The following ADGRE2 variants were observed in gnomAD, a reference collection of about 807,000 sequenced individuals.
ADGRE2 encodes adhesion G protein-coupled receptor E2, also known as CD97 antigen.
A neutral mutation model predicts 100.8 loss-of-function variants in ADGRE2; 83 were observed. The observed-to-expected ratio is 0.82, with a 90% confidence interval of 0.69 to 0.99. ADGRE2 has a LOEUF of 0.99. Among genes scored for constraint, ADGRE2 ranks in the 50% least tolerant of loss-of-function variants. ADGRE2 has a pLI of 0.00. For missense variants in ADGRE2, 814 were observed against 1,035.7 expected, an observed-to-expected ratio of 0.79 and a Z score of 2.94; for synonymous variants, 355 against 413.0, an observed-to-expected ratio of 0.86 and a Z score of 1.70.
At chr19:14,761,294 T>A (rs892774388) in intron 11 of ADGRE2, among the ~76,000 whole-genome samples, 4 of 152,022 alleles carry the variant, frequency 2.6e-5, no homozygotes, top group African/African-American at 9.7e-5. Context: ...TAGTCCCAGC[T>A]ACTTGGGAGG....
chr19:14,768,310 C>T (rs545251503), intron 5 of ADGRE2, among the ~76,000 whole-genome samples: 20 of 152,310 alleles, frequency 1.3e-4, no homozygotes, highest in East Asian at 7.7e-4. Flanking sequence ...CAGTGGGGAC[C>T]GACATACAGC....
In ADGRE2 at chr19:14,765,411, A is replaced by G; in HGVS notation, c.829-14T>C. ...TCGGGAAAGCGTCTGCAGAGAGAGG[A>G]GATGTGGGGGTCAGAGAGCCTGGAC... is the stretch of plus-strand genomic sequence containing the variant. On this transcript the variant is annotated splice_polypyrimidine_tract_variant and intron_variant, in intron 9 of 20. Coordinates refer to ENST00000315576, the MANE Select transcript of ADGRE2 (RefSeq NM_013447.4). 1.9e-6 allele frequency: 3 copies of G among 1,614,042 alleles called. No individual in the cohort carries two copies. Among genetic ancestry groups the G allele is most frequent in the Non-Finnish European group, 2.5e-6 (3 of 1,179,944 alleles).
At chr19:14,759,101 T>C (rs2043608176) in intron 11 of ADGRE2, among the ~76,000 whole-genome samples, 1 of 152,090 alleles carries the variant, frequency 6.6e-6, no homozygotes, top group Non-Finnish European at 1.5e-5. Context: ...AATCTTTTAT[T>C]ATGCAAATGG....
chr19:14,751,929 ATATTTTTTT>A (rs1398338705), intron 15 of ADGRE2, among the ~76,000 whole-genome samples: 53 of 83,752 alleles, frequency 6.3e-4, no homozygotes, highest in Admixed American at 1.1e-3. Flanking sequence ...ATATATATAT[ATATTTTTTT>A]TTTTTTTTTT....
intron 20 of ADGRE2, 68 bp from the exon 21 acceptor site, chr19:14,736,312 A>T: frequency 9.3e-7 from 1 of 1,077,868 alleles, no homozygotes; most frequent in Non-Finnish European, 1.4e-6. Context: ...CCTGGGCTGG[A>T]GTGCAATGGC....
At chr19:14,744,818 G>C (rs2043037581) in intron 18 of ADGRE2, among the ~76,000 whole-genome samples, 1 of 151,996 alleles carries the variant, frequency 6.6e-6, no homozygotes, top group Non-Finnish European at 1.5e-5. Context: ...GAAGTGATGA[G>C]GAGCCTGAAC....
downstream of ADGRE2, among the ~76,000 whole-genome samples, chr19:14,727,897 G>T (rs1352636559): frequency 1.3e-5 from 2 of 152,134 alleles, no homozygotes; most frequent in Non-Finnish European, 2.9e-5. Flanking sequence ...TCTTACCTTG[G>T]AATTCAGAGT....
At position 14,755,687 on chromosome 19, in the gene ADGRE2, G is replaced by C; in HGVS notation, c.1383C>G (p.Leu461=). The change falls in exon 13 of 21, where the codon CTC becomes CTG. Residue 461 remains leucine, a synonymous_variant. Coordinates refer to ENST00000315576, the MANE Select transcript of ADGRE2 (RefSeq NM_013447.4). ...AGAAGGTGAAGGTAACTGGGGAGCT[G>C]AGGTTTTGGGTGTCGTTGTTGCTCA... ...AFLSNNDTQN[L]SSPVTFTFSH... is the part of the protein sequence containing the mutation. 6.2e-7 allele frequency: 1 copy of C among 1,614,218 alleles called. No homozygotes were observed. Among genetic ancestry groups the C allele is most frequent in the South Asian group, 1.1e-5 (1 of 91,086 alleles).
chr19:14,755,079 G>A lies in ADGRE2; in HGVS notation c.1465C>T (p.Gln489Ter). ...KVLCVFWEHG[Q>*]NGCGHWATTG... Reference sequence around the variant, plus strand: ...GTGGCCCAGTGACCACATCCATTCTGGCCATGCTCCCAGAAGACACAGAGC... The same window carrying A: ...GTGGCCCAGTGACCACATCCATTCTAGCCATGCTCCCAGAAGACACAGAGC... Residue 489 changes from glutamine (Q) to a stop codon, truncating the protein, a stop_gained, in exon 14 of 21, where the codon CAG becomes TAG. Coordinates refer to ENST00000315576, the MANE Select transcript of ADGRE2 (RefSeq NM_013447.4). LOFTEE classifies it high-confidence loss of function. 6.2e-7 allele frequency: 1 copy of A among 1,613,972 alleles called. No homozygotes were observed. The highest frequency in any genetic ancestry group is 8.5e-7 in the Non-Finnish European group (1 of 1,180,008).
At position 14,765,020 on chromosome 19, in the gene ADGRE2, A is replaced by G. The variant is rs558631479; in HGVS notation, c.906+300T>C. Among the ~76,000 whole-genome samples, 16 of 152,314 alleles carry G rather than the reference A, an allele frequency of 1.1e-4. No homozygotes were observed. In the South Asian group the frequency reaches 3.3e-3, roughly 32 times the overall value. The stretch of plus-strand genomic sequence containing the variant: ...GACAGAGTGAGACTCCGTCTAAAAA[A>G]AAAATGACATTGGATGGGATTCCCT... On this transcript the variant is annotated intron_variant, in intron 10 of 20. Coordinates refer to ENST00000315576, the MANE Select transcript of ADGRE2 (RefSeq NM_013447.4).
In ADGRE2 at chr19:14,743,639, C is replaced by T; in HGVS notation, c.2329G>A (p.Val777Met). 1 of 1,614,078 alleles carries T rather than the reference C, an allele frequency of 6.2e-7. No individual in the cohort carries two copies. The highest frequency in any genetic ancestry group is 8.5e-7 in the Non-Finnish European group (1 of 1,180,010). Residue 777 changes from valine to methionine, a missense_variant, in exon 19 of 21, where the codon GTG (valine) becomes ATG (methionine). By Grantham distance (21) the Val-to-Met change is conservative. Transcript: ENST00000315576. ...ACCTGCTGGCTGAGGAGGCAGTACACCAGGAAGATGAAGACACCCTGCAGG... is the reference window on the plus strand; with the variant it reads ...ACCTGCTGGCTGAGGAGGCAGTACATCAGGAAGATGAAGACACCCTGCAGG... ...NSLQGVFIFL[V>M]YCLLSQQVRE...
chr19:14,773,080 C>CAAAAAAA (rs35688921), intron 4 of ADGRE2, among the ~76,000 whole-genome samples: 57 of 45,706 alleles, frequency 1.2e-3, no homozygotes, highest in African/African-American at 1.6e-3. Flanking sequence ...GACTCCATCT[C>CAAAAAAA]AAAAAAAAAA....
intron 20 of ADGRE2, among the ~76,000 whole-genome samples, chr19:14,740,439 T>C (rs2042893443): frequency 6.6e-6 from 1 of 151,780 alleles, no homozygotes; most frequent in African/African-American, 2.4e-5. Context: ...CTGACCAACA[T>C]GGAGAAATCC....
intron 20 of ADGRE2, among the ~76,000 whole-genome samples, chr19:14,738,382 C>CT (rs1034741974): frequency 2.0e-4 from 30 of 151,968 alleles, no homozygotes; most frequent in East Asian, 1.9e-4. Context: ...CACTGAATTC[C>CT]TTTTTTTTCC....
chr19:14,739,092 C>A (rs2042847961), intron 20 of ADGRE2, among the ~76,000 whole-genome samples: 1 of 151,402 alleles, frequency 6.6e-6, no homozygotes, highest in South Asian at 2.1e-4. Context: ...GCCTCAGCCT[C>A]CCAAGTAGCT....
intron 20 of ADGRE2, among the ~76,000 whole-genome samples, chr19:14,742,926 ATTT>A (rs561466290): frequency 7.5e-5 from 11 of 145,786 alleles, no homozygotes; most frequent in African/African-American, 2.7e-4. Context: ...AGAGCCAAGG[ATTT>A]TTTTTTTTTT....
At chr19:14,773,696 G>A (rs1398143479) in intron 4 of ADGRE2, among the ~76,000 whole-genome samples, 1 of 151,628 alleles carries the variant, frequency 6.6e-6, no homozygotes. Flanking sequence ...ATTTTTTGTA[G>A]AGACAGGGTC....
intron 18 of ADGRE2, 46 bp from the exon 19 acceptor site, chr19:14,743,830 G>C (rs911864129): frequency 1.3e-6 from 2 of 1,585,388 alleles, no homozygotes; most frequent in Admixed American, 3.4e-5. Flanking sequence ...CAGAGAAAGA[G>C]AATCAAGGCT....
chr19:14,753,044 A>G (rs1414989535), intron 14 of ADGRE2, among the ~76,000 whole-genome samples: 4 of 151,606 alleles, frequency 2.6e-5, no homozygotes, highest in Non-Finnish European at 5.9e-5. Flanking sequence ...TGCTGGGATT[A>G]CAGTCGTGAG....
Sources: allele counts gnomAD v4.1 joint callset (sites outside exome capture counted in the v4.1 genomes callset), GRCh38; gene constraint gnomAD v4.1.1; transcripts MANE v1.5; gene names NCBI Gene and HGNC (gene_info 2026-07-23, HGNC 2026-07-21).